The following VTI1A variants were observed in gnomAD, a reference collection of about 807,000 sequenced individuals.
VTI1A encodes vesicle transport through interaction with t-SNAREs 1A.
In VTI1A, 22 loss-of-function variants were observed where a neutral mutation model predicts 34.9. The ratio of observed to expected loss-of-function variants is 0.63; its 90% CI spans 0.45 to 0.90. The LOEUF (loss-of-function observed/expected upper bound fraction) is 0.90, where lower values mean the gene tolerates loss of function less well. Among genes scored for constraint, VTI1A ranks in the 40% least tolerant of loss-of-function variants. The pLI, the probability that VTI1A is intolerant of heterozygous loss-of-function variation, is 0.00. For missense variants in VTI1A, 268 were observed against 275.6 expected (o/e 0.97, Z 0.20); for synonymous variants, 87 against 97.3 (o/e 0.89, Z 0.62).
intron 5 of VTI1A, among the ~76,000 whole-genome samples, chr10:112,621,676 G>T (rs1233457370): frequency 6.6e-6 from 1 of 152,074 alleles, no homozygotes; most frequent in Non-Finnish European, 1.5e-5. Context: ...ATCCTTCTCT[G>T]GACCCTGTCT....
At chr10:112,821,531 C>CTCCAGT (rs1014246934), downstream of VTI1A, among the ~76,000 whole-genome samples, 6 of 152,204 alleles carry the variant, frequency 3.9e-5, no homozygotes, top group Admixed American at 2.0e-4. Context: ...CATCCTCCCG[C>CTCCAGT]TCCAGTTTCT....
intron 7 of VTI1A, among the ~76,000 whole-genome samples, chr10:112,697,865 CATGTGTGTGTGTGT>C (rs1299541279): frequency 7.9e-6 from 1 of 126,112 alleles, no homozygotes; most frequent in Non-Finnish European, 1.7e-5. Context: ...TTAGCATTTA[CATGTGTGTGTGTGT>C]GTGTGTGTGT....
At chr10:112,506,941 G>T (rs1228027902) in intron 3 of VTI1A, among the ~76,000 whole-genome samples, 6 of 147,324 alleles carry the variant, frequency 4.1e-5, no homozygotes, top group Admixed American at 6.7e-5. Context: ...TATTTTTTTG[G>T]TTTTTATGGG....
intron 3 of VTI1A, among the ~76,000 whole-genome samples, chr10:112,499,955 A>G (rs77705687): frequency 0.064 from 9,774 of 152,248 alleles, 590 homozygotes; most frequent in East Asian, 0.29. Flanking sequence ...TCTTCAGTCA[A>G]GTCCTCCTGT....
At chr10:112,853,258 C>T in the VTI1A span, among the ~76,000 whole-genome samples, 4 of 152,190 alleles carry the variant, frequency 2.6e-5, no homozygotes, top group African/African-American at 9.6e-5. Flanking sequence ...CTACTACCTC[C>T]AACCCCAGAA....
intron 7 of VTI1A, among the ~76,000 whole-genome samples, chr10:112,799,319 C>G (rs1852790206): frequency 6.6e-6 from 1 of 152,194 alleles, no homozygotes; most frequent in South Asian, 2.1e-4. Flanking sequence ...CAGGGTGAGT[C>G]TACCCCACAG....
intron 7 of VTI1A, among the ~76,000 whole-genome samples, chr10:112,703,766 C>G (rs1849097458): frequency 6.6e-6 from 1 of 152,100 alleles, no homozygotes; most frequent in South Asian, 2.1e-4. Context: ...TTCACTCATC[C>G]TCACTCATGT....
At position 112,818,157 on chromosome 10, in the gene VTI1A, G is replaced by T. The variant is rs902165789; in HGVS notation, c.*2774G>T. 3.0e-5 allele frequency: 7 copies of T among 233,424 alleles called. No individual in the cohort carries two copies. The highest frequency in any genetic ancestry group is 5.1e-5 in the Non-Finnish European group (6 of 117,948). The allele number at this position is 233,424 out of a possible 1,614,324, so 14.5% of individuals were successfully genotyped here. On this transcript the variant is annotated 3_prime_UTR_variant, in exon 8 of 8. Transcript: ENST00000393077. ...TTATTTTGGAACCAGCTTGGTGGGGGGTTTGCTTTGCTACTGCTTCTGAGC... is the reference window on the plus strand; with the variant it reads ...TTATTTTGGAACCAGCTTGGTGGGGTGTTTGCTTTGCTACTGCTTCTGAGC...
At chr10:112,751,645 G>A (rs1273610989) in intron 7 of VTI1A, among the ~76,000 whole-genome samples, 1 of 152,024 alleles carries the variant, frequency 6.6e-6, no homozygotes, top group East Asian at 1.9e-4. Flanking sequence ...TTTGTAAATA[G>A]GACCAATAAA....
At chr10:112,852,566 G>A in the VTI1A span, among the ~76,000 whole-genome samples, 1 of 152,214 alleles carries the variant, frequency 6.6e-6, no homozygotes, top group Non-Finnish European at 1.5e-5. Flanking sequence ...GTTGGCACGT[G>A]GGCATTATTG....
In VTI1A at chr10:112,718,266, A is replaced by T. The variant is rs1403350468; in HGVS notation, c.560+49268A>T. On this transcript the variant is annotated intron_variant, in intron 7 of 7. Transcript: ENST00000393077. ...TCTCTATTTGCTCTGCACCTGGGAG[A>T]TTGATGGTACTCTCATAACAAGTTT... Among the ~76,000 whole-genome samples, 4 of 152,208 alleles carry T rather than the reference A, an allele frequency of 2.6e-5. No individual in the cohort carries two copies. The East Asian group carries it at 5.8e-4, about 22-fold the overall frequency.
intron 7 of VTI1A, among the ~76,000 whole-genome samples, chr10:112,789,459 T>C (rs984057720): frequency 1.3e-5 from 2 of 152,212 alleles, no homozygotes; most frequent in Non-Finnish European, 2.9e-5. Context: ...ATTTTTGTCT[T>C]GCTATTTTCA....
Position 112,511,164 on chromosome 10 carries a change from G to A in VTI1A, c.265-15923G>A, listed in dbSNP as rs531193499. ...CAAAGAAGAACATACACTCTCTACC[G>A]GGGTTTACCTTTTGTTAGCGTTTTG... On this transcript the variant is annotated intron_variant, in intron 3 of 7. Transcript: ENST00000393077. Among the ~76,000 whole-genome samples the A allele has an allele frequency of 3.3e-5, 5 of 152,028 alleles. No individual in the cohort carries two copies. The South Asian group carries it at 8.3e-4, about 25-fold the overall frequency.
chr10:112,628,518 T>C (rs992348046), intron 5 of VTI1A, among the ~76,000 whole-genome samples: 2 of 152,166 alleles, frequency 1.3e-5, no homozygotes, highest in Non-Finnish European at 2.9e-5. Context: ...CATCAAAGAA[T>C]CCTAAATCAA....
intron 7 of VTI1A, among the ~76,000 whole-genome samples, chr10:112,719,786 T>G (rs1461305449): frequency 1.3e-5 from 2 of 152,186 alleles, no homozygotes; most frequent in Non-Finnish European, 2.9e-5. Flanking sequence ...CCTCAGGTGA[T>G]CTGCCCGTCT....
intron 7 of VTI1A, among the ~76,000 whole-genome samples, chr10:112,756,366 A>G (rs1340399246): frequency 2.0e-5 from 3 of 152,158 alleles, no homozygotes; most frequent in Admixed American, 6.5e-5. Context: ...AGCAAACAAA[A>G]TCAGCCATTC....
intron 7 of VTI1A, among the ~76,000 whole-genome samples, chr10:112,750,421 GC>G (rs1266500129): frequency 1.4e-4 from 21 of 152,048 alleles, no homozygotes; most frequent in South Asian, 4.2e-4. Flanking sequence ...TCACTGTGTT[GC>G]CCAGGCTGGT....
chr10:112,584,480 T>C (rs1844073195), intron 5 of VTI1A, among the ~76,000 whole-genome samples: 1 of 152,220 alleles, frequency 6.6e-6, no homozygotes, highest in South Asian at 2.1e-4. Context: ...GTGGGTTCAC[T>C]TCTGGAGAGA....
In VTI1A at chr10:112,637,381, A is replaced by T. The variant is rs188735693; in HGVS notation, c.428-30837A>T. Among the ~76,000 whole-genome samples, 152 of 152,330 alleles carry T rather than the reference A, an allele frequency of 1.0e-3. 1 individual carries two copies. The highest frequency in any genetic ancestry group is 3.6e-3 in the African/African-American group (148 of 41,570). On this transcript the variant is annotated intron_variant, in intron 5 of 7. Transcript: ENST00000393077. ...GCAAAAAATCATGATTAGAACTGCT[A>T]TATAGGGCTGGGTGTGGTGGCTCAC...
Sources: allele counts gnomAD v4.1 joint callset (sites outside exome capture counted in the v4.1 genomes callset), GRCh38; gene constraint gnomAD v4.1.1; transcripts MANE v1.5; gene names NCBI Gene and HGNC (gene_info 2026-07-23, HGNC 2026-07-21).